ARID1B: variants seen among roughly 807,000 people sequenced by gnomAD.
The protein encoded by ARID1B is AT-rich interactive domain-containing protein 1B.
In ARID1B, 30 loss-of-function variants were observed where a neutral mutation model predicts 212.3. The observed-to-expected ratio is 0.14, with a 90% CI of 0.11 to 0.19. The LOEUF (loss-of-function observed/expected upper bound fraction) is 0.19. Ranked by LOEUF, ARID1B falls within the 10% of genes least tolerant of loss-of-function variation. The pLI, the probability that ARID1B is intolerant of heterozygous loss-of-function variation, is 1.00. For missense variants in ARID1B, 2,891 were observed against 3,204.0 expected (o/e 0.90, Z 2.36); for synonymous variants, 1,402 against 1,301.7 (o/e 1.08, Z -1.66).
intron 4 of ARID1B, among the ~76,000 whole-genome samples, chr6:156,975,602 A>ATTTT (rs57649427): frequency 4.6e-5 from 4 of 86,308 alleles, no homozygotes; most frequent in African/African-American, 1.9e-4. Flanking sequence ...GTTTGACTGT[A>ATTTT]TTTTTTTTTT....
chr6:156,920,794 G>T (rs1340633180), intron 3 of ARID1B, among the ~76,000 whole-genome samples: 2 of 152,058 alleles, frequency 1.3e-5, no homozygotes, highest in African/African-American at 4.8e-5. Flanking sequence ...GTCGGGCAGG[G>T]AAGGCCCTTT....
Position 157,152,804 on chromosome 6 carries a change from G to A in ARID1B, c.3089+3853G>A, listed in dbSNP as rs140023639. Among the ~76,000 whole-genome samples the A allele has an allele frequency of 9.4e-3, 1,427 of 152,290 alleles. 24 individuals carry two copies. Among genetic ancestry groups the A allele is most frequent in the African/African-American group, 0.033 (1,351 of 41,544 alleles). ...TCTGTTAGGTTGAAGTTAGGTTGGC[G>A]ATTAGAAAAGCTAGTTTGCTAAATG... On this transcript the variant is annotated intron_variant, in intron 8 of 19. Coordinates refer to ENST00000636930, the MANE Select transcript of ARID1B (RefSeq NM_001374828.1).
intron 4 of ARID1B, among the ~76,000 whole-genome samples, chr6:156,997,107 C>T (rs944550361): frequency 1.3e-5 from 2 of 152,022 alleles, no homozygotes; most frequent in African/African-American, 4.8e-5. Flanking sequence ...CACAAGTACC[C>T]GTGAATGGAT....
chr6:157,161,625 T>C (rs1287520550), intron 8 of ARID1B, among the ~76,000 whole-genome samples: 1 of 152,130 alleles, frequency 6.6e-6, no homozygotes, highest in Non-Finnish European at 1.5e-5. Context: ...TTTGTGTTTA[T>C]AAAACATTTT....
chr6:157,084,268 C>A (rs112440780), intron 4 of ARID1B, among the ~76,000 whole-genome samples: 1,986 of 152,110 alleles, frequency 0.013, 24 homozygotes, highest in Non-Finnish European at 0.018. Context: ...GGACTCAAAG[C>A]CTGTAGTTTT....
At chr6:156,837,904 T>G (rs1242619156) in intron 2 of ARID1B, among the ~76,000 whole-genome samples, 2 of 152,194 alleles carry the variant, frequency 1.3e-5, no homozygotes, top group Non-Finnish European at 2.9e-5. Flanking sequence ...GTCCTGGATT[T>G]GAGATCTGAA....
intron 2 of ARID1B, among the ~76,000 whole-genome samples, chr6:156,839,514 G>C (rs575642527): frequency 9.8e-5 from 15 of 152,314 alleles, no homozygotes; most frequent in African/African-American, 3.6e-4. Context: ...CAGTTGGGGA[G>C]AGGAGGAAAG....
chr6:157,010,211 A>G (rs1223725571), intron 4 of ARID1B, among the ~76,000 whole-genome samples: 3 of 145,450 alleles, frequency 2.1e-5, no homozygotes, highest in Admixed American at 6.8e-5. Context: ...GGGCCGAGCT[A>G]TTATTTACTC....
At chr6:156,861,521 G>A (rs1264101211) in intron 2 of ARID1B, among the ~76,000 whole-genome samples, 1 of 152,080 alleles carries the variant, frequency 6.6e-6, no homozygotes, top group Non-Finnish European at 1.5e-5. Context: ...TGAGGTAGGA[G>A]GATTGCCTGA....
intron 5 of ARID1B, among the ~76,000 whole-genome samples, chr6:157,093,881 A>C (rs567997023): frequency 5.9e-5 from 9 of 152,366 alleles, no homozygotes; most frequent in African/African-American, 1.9e-4. Flanking sequence ...TTAATTCAGC[A>C]AAGCACTGAG....
Position 157,206,350 on chromosome 6 carries a change from T to C in ARID1B, c.5578T>C (p.Cys1860Arg). 6.2e-7 allele frequency: 1 copy of C among 1,614,080 alleles called. No individual in the cohort carries two copies. The highest frequency in any genetic ancestry group is 8.5e-7 in the Non-Finnish European group (1 of 1,180,016). ...DSGKEEEDAE[C>R]IDDDEEDEED... ...TGGGAAAGAGGAGGAAGATGCTGAA[T>C]GTATTGATGACGACGAGGAAGACGA... Residue 1860 changes from cysteine (C) to arginine (R), a missense_variant, in exon 20 of 20, where the codon TGT becomes CGT. Transcript: ENST00000636930. The surrounding 1 kb of genome is among the most constrained non-coding windows in gnomAD (Gnocchi z 6.8).
chr6:156,895,735 T>TACACAC (rs79108130), intron 2 of ARID1B, among the ~76,000 whole-genome samples: 1 of 150,266 alleles, frequency 6.7e-6, no homozygotes, highest in African/African-American at 2.4e-5. Context: ...TACAGGTGTA[T>TACACAC]ACACACACAC....
intron 4 of ARID1B, among the ~76,000 whole-genome samples, chr6:156,959,921 GCTT>G (rs778938721): frequency 7.2e-6 from 1 of 139,756 alleles, no homozygotes; most frequent in African/African-American, 2.8e-5. Context: ...AAGATTGTCA[GCTT>G]CTTTTTTTTT....
At chr6:156,999,362 T>C (rs1390531151) in intron 4 of ARID1B, among the ~76,000 whole-genome samples, 3 of 152,252 alleles carry the variant, frequency 2.0e-5, no homozygotes, top group Non-Finnish European at 4.4e-5. Flanking sequence ...AATTTCCTCA[T>C]GTATAAAACG....
intron 3 of ARID1B, among the ~76,000 whole-genome samples, chr6:156,930,525 A>G (rs1420165438): frequency 6.6e-6 from 1 of 152,184 alleles, no homozygotes; most frequent in Non-Finnish European, 1.5e-5. Flanking sequence ...GACATATACA[A>G]CCCTTTGACA....
intron 2 of ARID1B, among the ~76,000 whole-genome samples, chr6:156,875,873 CCT>C (rs202067350): frequency 2.6e-5 from 4 of 152,118 alleles, no homozygotes; most frequent in African/African-American, 9.7e-5. Flanking sequence ...ATGAAAATCC[CCT>C]GTGTTGTACA....
chr6:156,980,867 A>C (rs1468861355), intron 4 of ARID1B, among the ~76,000 whole-genome samples: 1 of 152,226 alleles, frequency 6.6e-6, no homozygotes, highest in Non-Finnish European at 1.5e-5. Context: ...ACTGGTTTAT[A>C]TTTTTAGGGA....
chr6:157,000,228 C>A (rs1359504514), intron 4 of ARID1B, among the ~76,000 whole-genome samples: 2 of 152,128 alleles, frequency 1.3e-5, no homozygotes, highest in Non-Finnish European at 2.9e-5. Context: ...GCCAGAGTCT[C>A]CCTCCTTGAA....
Position 157,190,059 on chromosome 6 carries a change from C to T in ARID1B, c.4080C>T (p.His1360=), listed in dbSNP as rs373881952. Reference sequence around the variant, plus strand: ...TCAGAAGCAGTACAATCAGTGTGCACGACCCATTCTCAGATGTGAGTGATT... The same window carrying T: ...TCAGAAGCAGTACAATCAGTGTGCATGACCCATTCTCAGATGTGAGTGATT... ...QGGRSSTISV[H]DPFSDVSDSS... is the part of the protein sequence containing the mutation. The change falls in exon 15 of 20, where the codon CAC becomes CAT. Residue 1360 remains histidine, a synonymous_variant. Coordinates refer to ENST00000636930, the MANE Select transcript of ARID1B (RefSeq NM_001374828.1). This position sits in a 1 kb window ranked among gnomAD's most constrained non-coding sequence, Gnocchi z 4.6. 141 of 1,613,964 alleles carry T rather than the reference C, an allele frequency of 8.7e-5. No homozygotes were observed. The highest frequency in any genetic ancestry group is 1.1e-4 in the Non-Finnish European group (126 of 1,179,964).
Sources: gnomAD v4.1 joint callset for allele counts (sites outside exome capture counted in the v4.1 genomes callset) on GRCh38, gnomAD v4.1.1 for gene constraint, Gnocchi (gnomAD v3.1) non-coding constraint, MANE v1.5 for transcripts, NCBI Gene and HGNC (gene_info 2026-07-23, HGNC 2026-07-21) for gene names.